The following SWAP70 variants were observed in gnomAD, a reference collection of about 807,000 sequenced individuals.
SWAP70 encodes switching B cell complex subunit SWAP70, also known as switch-associated protein 70.
In SWAP70, 34 loss-of-function variants were observed where a neutral mutation model predicts 80.2. That is an observed-to-expected ratio of 0.42 (90% CI 0.32 to 0.56). SWAP70 has a LOEUF of 0.56. Among genes scored for constraint, SWAP70 ranks in the 20% least tolerant of loss-of-function variants. The pLI is 0.09. For missense variants in SWAP70, 578 were observed against 690.7 expected (o/e 0.84, Z 1.83); for synonymous variants, 239 against 238.5 (o/e 1.00, Z -0.02).
At position 9,737,757 on chromosome 11, in the gene SWAP70, G is replaced by A. The variant is rs528959536; in HGVS notation, c.1081-456G>A. ...CTAAAAATACAAAAATTAGCTGGAT[G>A]TGGTGGTGTGTGCCTGTAGTCCCGG... On this transcript the variant is annotated intron_variant, in intron 7 of 11. Coordinates refer to ENST00000318950, the MANE Select transcript of SWAP70 (RefSeq NM_015055.4). Among the ~76,000 whole-genome samples the A allele has an allele frequency of 3.3e-5, 5 of 152,336 alleles. No individual in the cohort carries two copies. In the East Asian group the frequency reaches 5.8e-4, roughly 18 times the overall value.
At chr11:9,730,341 A>G (rs2133809296) in intron 6 of SWAP70, among the ~76,000 whole-genome samples, 1 of 152,140 alleles carries the variant, frequency 6.6e-6, no homozygotes, top group East Asian at 1.9e-4. Flanking sequence ...AAAAAAAAAA[A>G]AAAAAGAACA....
chr11:9,692,226 A>G (rs1850705913), intron 1 of SWAP70, among the ~76,000 whole-genome samples: 6 of 148,532 alleles, frequency 4.0e-5, no homozygotes, highest in Admixed American at 4.0e-4. Flanking sequence ...AAATATATAT[A>G]TATATATATA....
At chr11:9,670,257 G>T (rs1168936644) in intron 1 of SWAP70, among the ~76,000 whole-genome samples, 1 of 152,166 alleles carries the variant, frequency 6.6e-6, no homozygotes, top group African/African-American at 2.4e-5. Context: ...GATTGGGTGG[G>T]AGGAGGACGG....
intron 3 of SWAP70, among the ~76,000 whole-genome samples, chr11:9,713,869 T>C (rs1377479418): frequency 6.6e-6 from 1 of 152,222 alleles, no homozygotes; most frequent in Non-Finnish European, 1.5e-5. Flanking sequence ...TCTAAATGGC[T>C]ATGATGATAA....
intron 2 of SWAP70, among the ~76,000 whole-genome samples, chr11:9,709,530 CT>C (rs956414341): frequency 2.7e-5 from 4 of 150,016 alleles, no homozygotes; most frequent in African/African-American, 7.3e-5. Flanking sequence ...CCAAGTATAA[CT>C]TTTTTTTTTG....
rs139459245 is a variant in SWAP70 at position 9,683,037 on chromosome 11, A to G, written c.100-11109A>G. 5.0e-3 allele frequency among the ~76,000 whole-genome samples: 754 copies of G among 152,316 alleles called. 2 individuals carry two copies. The highest frequency in any genetic ancestry group is 0.014 in the South Asian group (67 of 4,832). ...AGGGTTGAAAATTGATCTTTGGGAA[A>G]TGACCAGATTGGGAGAATGAGGGAT... On this transcript the variant is annotated intron_variant, in intron 1 of 11. Transcript: ENST00000318950.
At chr11:9,748,952 T>C in intron 10 of SWAP70, 135 bp from the exon 11 acceptor site, 1 of 435,994 alleles carries the variant, frequency 2.3e-6, no homozygotes, top group Non-Finnish European at 4.1e-6. Flanking sequence ...GTAATAGTAG[T>C]TCCCACTTCT....
intron 9 of SWAP70, chr11:9,741,034 G>A (rs1851431150): frequency 6.5e-6 from 1 of 153,372 alleles, no homozygotes; most frequent in Non-Finnish European, 1.4e-5. Flanking sequence ...TATTTAAGGT[G>A]TCTGGGATGG....
Position 9,729,460 on chromosome 11 carries a change from A to C in SWAP70, c.898+9A>C. ...ACAGGAGTGGATTCAAGGTAAGGTG[A>C]TTTTTTATTATTTGCCATGATATAA... On this transcript the variant is annotated intron_variant, in intron 6 of 11. Transcript: ENST00000318950. 1.3e-6 allele frequency: 2 copies of C among 1,550,834 alleles called. No individual in the cohort carries two copies. Among genetic ancestry groups the C allele is most frequent in the Non-Finnish European group, 1.8e-6 (2 of 1,127,182 alleles).
intron 1 of SWAP70, among the ~76,000 whole-genome samples, chr11:9,692,088 A>G (rs1311086257): frequency 2.6e-5 from 4 of 151,986 alleles, no homozygotes; most frequent in Admixed American, 6.6e-5. Flanking sequence ...TCCATTAGTC[A>G]TGGTACATTG....
intron 2 of SWAP70, chr11:9,703,461 C>T: frequency 2.2e-6 from 1 of 456,260 alleles, no homozygotes; most frequent in Non-Finnish European, 4.4e-6. Context: ...AAGGCCAACT[C>T]CGCCCATCAA....
At chr11:9,727,823 G>A (rs549964577) in intron 4 of SWAP70, among the ~76,000 whole-genome samples, 2 of 152,262 alleles carry the variant, frequency 1.3e-5, no homozygotes, top group South Asian at 4.1e-4. Flanking sequence ...TCACTTTGGG[G>A]AGGGGTTGTC....
At chr11:9,697,165 T>C (rs892855) in intron 2 of SWAP70, among the ~76,000 whole-genome samples, 84,740 of 151,892 alleles carry the variant, frequency 0.56, 25,539 homozygotes, top group South Asian at 0.73. Context: ...TATTTATATG[T>C]ATAATTTTTA....
At chr11:9,678,412 G>T (rs1477781090) in intron 1 of SWAP70, among the ~76,000 whole-genome samples, 1 of 150,410 alleles carries the variant, frequency 6.6e-6, no homozygotes, top group Non-Finnish European at 1.5e-5. Context: ...ATGAATGTTG[G>T]ATTATTTCTA....
At chr11:9,730,404 G>A (rs1254942076) in intron 6 of SWAP70, among the ~76,000 whole-genome samples, 1 of 150,538 alleles carries the variant, frequency 6.6e-6, no homozygotes, top group Non-Finnish European at 1.5e-5. Context: ...CAAGATAATA[G>A]CCTCCAGTTC....
At chr11:9,671,633 T>C (rs1308304738) in intron 1 of SWAP70, among the ~76,000 whole-genome samples, 1 of 94,736 alleles carries the variant, frequency 1.1e-5, no homozygotes, top group Non-Finnish European at 1.9e-5. Context: ...TATAAATATA[T>C]AAATATTTCT....
chr11:9,708,438 A>G (rs191414367), intron 2 of SWAP70, among the ~76,000 whole-genome samples: 1 of 152,312 alleles, frequency 6.6e-6, no homozygotes, highest in East Asian at 1.9e-4. Context: ...CTGTTCGTAT[A>G]TATTATTTGG....
rs1286372328 is a variant in SWAP70, at chr11:9,671,761, TATATA to T, written c.99+7490_99+7494del. 6.3e-3 allele frequency among the ~76,000 whole-genome samples: 228 copies of T among 36,408 alleles called. 12 individuals are homozygous for T. The highest frequency in any genetic ancestry group is 0.016 in the African/African-American group (225 of 13,704). The allele number at this position is 36,408 out of a possible 152,430, so 23.9% of individuals were successfully genotyped here. ...ATACATAGAAATATAAATATATAAA[TATATA>T]ATATAAATATAATATATTATTATTT... On this transcript the variant is annotated intron_variant, in intron 1 of 11. Transcript: ENST00000318950.
chr11:9,686,207 T>G lies in SWAP70; in HGVS notation c.100-7939T>G, dbSNP rs1590017304. Among the ~76,000 whole-genome samples, 3 of 151,818 alleles carry G rather than the reference T, an allele frequency of 2.0e-5. No individual in the cohort carries two copies. In the East Asian group the frequency reaches 5.8e-4, roughly 29 times the overall value. On this transcript the variant is annotated intron_variant, in intron 1 of 11. Coordinates refer to ENST00000318950, the MANE Select transcript of SWAP70 (RefSeq NM_015055.4). ...TGTAATTAACTTTTCAGTGAATATC[T>G]TTCTTATATATCTCTCTTTCTCCCT...
Sources: allele counts gnomAD v4.1 joint callset (sites outside exome capture counted in the v4.1 genomes callset), GRCh38; gene constraint gnomAD v4.1.1; transcripts MANE v1.5; gene names NCBI Gene and HGNC (gene_info 2026-07-23, HGNC 2026-07-21).